Variants in CLPSL1 observed in about 807,000 individuals in gnomAD.
CLPSL1 encodes colipase like 1.
A neutral mutation model predicts 9.3 loss-of-function variants in CLPSL1; 13 were observed. That is an observed-to-expected ratio of 1.40 (90% CI 0.91 to 2.22). The LOEUF is 2.22. CLPSL1 is among the 30% of genes most tolerant of loss of function. The pLI is 0.00. For missense variants in CLPSL1, 164 were observed against 146.6 expected (o/e 1.12, Z -0.61); for synonymous variants, 58 against 56.9 (o/e 1.02, Z -0.08).
At chr6:35,791,981 G>T (rs1290734746), downstream of CLPSL1, among the ~76,000 whole-genome samples, 6 of 151,730 alleles carry the variant, frequency 4.0e-5, no homozygotes, top group Non-Finnish European at 5.9e-5. Context: ...AGCTACTCGG[G>T]AGGCTGATTC....
chr6:35,790,184 C>T (rs1320724256), downstream of CLPSL1, among the ~76,000 whole-genome samples: 1 of 152,260 alleles, frequency 6.6e-6, no homozygotes, highest in Non-Finnish European at 1.5e-5. Context: ...AATCCTGCCT[C>T]AGCCTCTCAA....
chr6:35,782,064 T>G (rs1767977609), intron 1 of CLPSL1, among the ~76,000 whole-genome samples: 1 of 152,124 alleles, frequency 6.6e-6, no homozygotes, highest in African/African-American at 2.4e-5. Context: ...GGTTTGCAGT[T>G]TTAAATGGGG....
chr6:35,789,000 T>C (rs543180830), downstream of CLPSL1, among the ~76,000 whole-genome samples: 278 of 152,298 alleles, frequency 1.8e-3, no homozygotes, highest in Non-Finnish European at 3.3e-3. Flanking sequence ...AGTTTGGAGG[T>C]AAACTATGGT....
downstream of CLPSL1, among the ~76,000 whole-genome samples, chr6:35,791,762 C>T (rs374660919): frequency 6.6e-6 from 1 of 152,196 alleles, no homozygotes; most frequent in East Asian, 1.9e-4. Flanking sequence ...GAAACCCCAT[C>T]TCCACTAAAA....
chr6:35,785,915 C>T (rs568538882), intron 1 of CLPSL1, among the ~76,000 whole-genome samples: 2 of 145,128 alleles, frequency 1.4e-5, no homozygotes, highest in African/African-American at 5.1e-5. Flanking sequence ...CACCACTGCA[C>T]TCCAGCCTGG....
intron 1 of CLPSL1, among the ~76,000 whole-genome samples, chr6:35,784,730 GTC>G (rs906981892): frequency 2.6e-5 from 4 of 152,190 alleles, no homozygotes; most frequent in African/African-American, 9.7e-5. Flanking sequence ...CAAGACTCCT[GTC>G]TCTTACTGGT....
intron 2 of CLPSL1, 92 bp from the exon 3 acceptor site, chr6:35,787,775 A>G (rs540022227): frequency 1.6e-6 from 2 of 1,232,116 alleles, no homozygotes; most frequent in Admixed American, 3.6e-5. Flanking sequence ...GCTGTGGGCA[A>G]GCACATGGGC....
chr6:35,785,489 A>T (rs1258474275), intron 1 of CLPSL1, among the ~76,000 whole-genome samples: 1 of 151,568 alleles, frequency 6.6e-6, no homozygotes, highest in Admixed American at 6.6e-5. Flanking sequence ...GTCCCCGGAA[A>T]TTCATACTCC....
At chr6:35,781,484 T>A (rs1490711278) in intron 1 of CLPSL1, among the ~76,000 whole-genome samples, 1 of 152,188 alleles carries the variant, frequency 6.6e-6, no homozygotes. Flanking sequence ...TATTCACTCA[T>A]GCAACACATT....
chr6:35,790,399 G>C (rs1003623131), downstream of CLPSL1, among the ~76,000 whole-genome samples: 8 of 152,260 alleles, frequency 5.3e-5, no homozygotes, highest in African/African-American at 1.9e-4. Context: ...GACTAAACTG[G>C]TTCCAAGTGT....
chr6:35,788,121 G>T lies in CLPSL1; in HGVS notation c.*111G>T. 1 of 766,350 alleles carries T rather than the reference G, an allele frequency of 1.3e-6. No individual in the cohort carries two copies. Among genetic ancestry groups the T allele is most frequent in the Non-Finnish European group, 2.1e-6 (1 of 476,242 alleles). 47.5% of individuals were successfully genotyped at this position (766,350 alleles called of 1,614,324 possible). ...TCCACCATGAGTGGAGGGAAGTGGG[G>T]AGTGATTGAAATAAAGAGCTTTTTC... On this transcript the variant is annotated 3_prime_UTR_variant, in exon 3 of 3. Transcript: ENST00000373861.
At chr6:35,788,330 C>T (rs1236503535), downstream of CLPSL1, among the ~76,000 whole-genome samples, 6 of 152,240 alleles carry the variant, frequency 3.9e-5, no homozygotes, top group Admixed American at 3.9e-4. Flanking sequence ...GCTCCCTTCC[C>T]ACCCCAACCC....
chr6:35,788,766 T>C (rs1768138796), downstream of CLPSL1, among the ~76,000 whole-genome samples: 1 of 152,126 alleles, frequency 6.6e-6, no homozygotes, highest in Non-Finnish European at 1.5e-5. Flanking sequence ...TGGTGTGGGG[T>C]TGGAGAGAGA....
In CLPSL1 at chr6:35,788,018, T is replaced by C. The variant is rs1315885278; in HGVS notation, c.*8T>C. On this transcript the variant is annotated 3_prime_UTR_variant, in exon 3 of 3. Transcript: ENST00000373861. The stretch of plus-strand genomic sequence containing the variant: ...AAGAAAATGTTCTTCTAGTGCTCCC[T>C]CCTTCTTGCTGCCTCCTCCTCCTCC... The C allele has an allele frequency of 2.5e-6, 4 of 1,604,876 alleles. No homozygotes were observed. Among genetic ancestry groups the C allele is most frequent in the Non-Finnish European group, 3.4e-6 (4 of 1,172,148 alleles).
At chr6:35,792,514 A>T (rs1322626863), downstream of CLPSL1, among the ~76,000 whole-genome samples, 1 of 152,286 alleles carries the variant, frequency 6.6e-6, no homozygotes, top group African/African-American at 2.4e-5. Flanking sequence ...AGTGGGGACC[A>T]TCTGGTTCCT....
chr6:35,788,212 C>CT, downstream of CLPSL1: 2 of 582,578 alleles, frequency 3.4e-6, no homozygotes. Flanking sequence ...GTACAGGTTT[C>CT]TGGGGGGTGG....
At chr6:35,792,013 G>A (rs1315988376), downstream of CLPSL1, among the ~76,000 whole-genome samples, 10 of 152,140 alleles carry the variant, frequency 6.6e-5, no homozygotes, top group African/African-American at 2.4e-4. Flanking sequence ...TTGAACCTGG[G>A]AGGCAGAGGC....
At chr6:35,786,938 G>C in intron 1 of CLPSL1, 60 bp from the exon 2 acceptor site, 3 of 1,537,416 alleles carry the variant, frequency 2.0e-6, no homozygotes, top group South Asian at 2.4e-5. Context: ...AGCCCCAGGC[G>C]GGGCGGCGAG....
Position 35,781,314 on chromosome 6 carries a change from A to G in CLPSL1, c.99+105A>G, listed in dbSNP as rs1030850554. On this transcript the variant is annotated intron_variant, in intron 1 of 2. Transcript: ENST00000373861. ...GGGGCTAGTGTGGGAGAAGGCCAGA[A>G]GTGGGGGCAGCAGGGAGTGTTGGGT... 3.4e-6 allele frequency: 5 copies of G among 1,464,804 alleles called. No individual in the cohort carries two copies. In the Admixed American group the frequency reaches 6.7e-5, roughly 20 times the overall value. 90.7% of individuals were successfully genotyped at this position (1,464,804 alleles called of 1,614,324 possible). A position where few individuals can be genotyped will look rare whatever the true frequency, so the allele number is the denominator to read the frequency against.
Sources: gnomAD v4.1 joint callset for allele counts (sites outside exome capture counted in the v4.1 genomes callset) on GRCh38, gnomAD v4.1.1 for gene constraint, MANE v1.5 for transcripts, NCBI Gene and HGNC (gene_info 2026-07-23, HGNC 2026-07-21) for gene names.